MBNL2: variants seen among roughly 807,000 people sequenced by gnomAD.
MBNL2 encodes the protein muscleblind-like protein 2.
Under a neutral mutation model 41.9 loss-of-function variants are expected in MBNL2, and 17 were observed. The ratio of observed to expected loss-of-function variants is 0.41; its 90% confidence interval spans 0.28 to 0.61. The LOEUF is 0.61. Among genes scored for constraint, MBNL2 ranks in the 20% least tolerant of loss-of-function variants. MBNL2 has a pLI of 0.35. For synonymous variants in MBNL2, 195 were observed against 182.9 expected (o/e 1.07, Z -0.53); for missense variants, 336 against 505.6 (o/e 0.66, Z 3.22).
chr13:97,314,760 G>T (rs150080242), intron 2 of MBNL2, among the ~76,000 whole-genome samples: 13 of 152,286 alleles, frequency 8.5e-5, no homozygotes, highest in African/African-American at 3.1e-4. Flanking sequence ...TAGGAGGGAG[G>T]AGGTTGGATA....
chr13:97,146,302 G>T, the MBNL2 span, among the ~76,000 whole-genome samples: 1 of 151,972 alleles, frequency 6.6e-6, no homozygotes, highest in African/African-American at 2.4e-5. Context: ...CGCCCAGCAG[G>T]TTCTACTTTC....
At chr13:97,310,782 C>CTTTTTTTTTTTTTTTT (rs11345201) in intron 2 of MBNL2, among the ~76,000 whole-genome samples, 1 of 136,036 alleles carries the variant, frequency 7.4e-6, no homozygotes, top group African/African-American at 2.8e-5. Flanking sequence ...AATTCAGCAT[C>CTTTTTTTTTTTTTTTT]TTTTTTTTTT....
the MBNL2 span, among the ~76,000 whole-genome samples, chr13:97,148,073 G>T: frequency 6.6e-6 from 1 of 152,166 alleles, no homozygotes; most frequent in Non-Finnish European, 1.5e-5. Flanking sequence ...AAGGATACAT[G>T]GTTGAGAAAG....
intron 2 of MBNL2, among the ~76,000 whole-genome samples, chr13:97,304,166 G>A (rs989588149): frequency 2.0e-5 from 3 of 152,162 alleles, no homozygotes; most frequent in African/African-American, 7.2e-5. Flanking sequence ...TTTCAATAGA[G>A]GGGACAGGAA....
At chr13:97,204,266 G>GTGAGGCGAGGGCTGGGATTTGTTA in the MBNL2 span, among the ~76,000 whole-genome samples, 9 of 152,350 alleles carry the variant, frequency 5.9e-5, no homozygotes, top group Middle Eastern at 3.4e-3. Flanking sequence ...AGACTCGCAG[G>GTGAGGCGAGGGCTGGGATTTGTTA]TGAGGCGAGG....
intron 3 of MBNL2, among the ~76,000 whole-genome samples, chr13:97,339,881 G>A (rs1308344579): frequency 6.9e-6 from 1 of 145,154 alleles, no homozygotes; most frequent in Non-Finnish European, 1.5e-5. Context: ...GGGCGGGGGG[G>A]GCGTTGTTTT....
intron 1 of MBNL2, among the ~76,000 whole-genome samples, chr13:97,271,679 G>A (rs1312734033): frequency 6.6e-6 from 1 of 152,088 alleles, no homozygotes; most frequent in Non-Finnish European, 1.5e-5. Flanking sequence ...AGAACATGCC[G>A]TATTTGGTTT....
At chr13:97,189,339 C>T in the MBNL2 span, among the ~76,000 whole-genome samples, 1 of 152,166 alleles carries the variant, frequency 6.6e-6, no homozygotes, top group Non-Finnish European at 1.5e-5. Flanking sequence ...TGGTGGAAAT[C>T]AGTAAATGCC....
At chr13:97,184,932 G>A in the MBNL2 span, among the ~76,000 whole-genome samples, 1 of 152,084 alleles carries the variant, frequency 6.6e-6, no homozygotes, top group Non-Finnish European at 1.5e-5. Flanking sequence ...TAGAATGCTT[G>A]AGAATTAGAG....
intron 8 of MBNL2, among the ~76,000 whole-genome samples, chr13:97,368,954 T>C (rs2064115416): frequency 6.6e-6 from 1 of 152,182 alleles, no homozygotes; most frequent in African/African-American, 2.4e-5. Flanking sequence ...ATTCAGTGTT[T>C]TGCAGTTTAT....
At chr13:97,196,607 C>G in the MBNL2 span, among the ~76,000 whole-genome samples, 2 of 152,088 alleles carry the variant, frequency 1.3e-5, no homozygotes, top group Non-Finnish European at 2.9e-5. Context: ...ACACCTATAG[C>G]TATGGAGGTC....
At chr13:97,288,679 C>T (rs2055165015) in intron 2 of MBNL2, among the ~76,000 whole-genome samples, 1 of 152,202 alleles carries the variant, frequency 6.6e-6, no homozygotes, top group Non-Finnish European at 1.5e-5. Context: ...TACTAAATAG[C>T]ACATTCTTTC....
chr13:97,171,498 C>T, the MBNL2 span, among the ~76,000 whole-genome samples: 1 of 152,178 alleles, frequency 6.6e-6, no homozygotes, highest in African/African-American at 2.4e-5. Context: ...TAAATATATT[C>T]ATGTGTACAT....
intron 8 of MBNL2, among the ~76,000 whole-genome samples, chr13:97,385,564 T>C (rs570411591): frequency 6.6e-6 from 1 of 152,304 alleles, no homozygotes; most frequent in South Asian, 2.1e-4. Context: ...CAGGAACAGT[T>C]CTTACCAAAT....
the MBNL2 span, among the ~76,000 whole-genome samples, chr13:97,212,633 A>G: frequency 1.3e-5 from 2 of 152,202 alleles, no homozygotes; most frequent in African/African-American, 4.8e-5. Context: ...CGACCCTGGA[A>G]AGGTTACTTA....
chr13:97,270,156 G>A (rs2050664470), intron 1 of MBNL2, among the ~76,000 whole-genome samples: 1 of 152,130 alleles, frequency 6.6e-6, no homozygotes, highest in Non-Finnish European at 1.5e-5. Flanking sequence ...AAGTTCTGTT[G>A]ACTAATAGAA....
chr13:97,271,461 A>G (rs1566380306), intron 1 of MBNL2, among the ~76,000 whole-genome samples: 1 of 149,074 alleles, frequency 6.7e-6, no homozygotes, highest in African/African-American at 2.6e-5. Context: ...AAAACAAACA[A>G]AAAACAAAAC....
At position 97,225,865 on chromosome 13, in the gene MBNL2, A is replaced by G. The variant is rs150728586; in HGVS notation, c.-605+3334A>G. ...CATCCTTTCCGGAAGGGTCGACTCA[A>G]CTGGATGAGCATGGATGTCCACTGC... On this transcript the variant is annotated intron_variant, in intron 1 of 8. Coordinates refer to ENST00000679496, the MANE Select transcript of MBNL2 (RefSeq NM_001382683.1). Among the ~76,000 whole-genome samples the G allele has an allele frequency of 7.2e-5, 11 of 152,340 alleles. No individual in the cohort carries two copies. The East Asian group carries it at 1.9e-3, about 27-fold the overall frequency.
the MBNL2 span, among the ~76,000 whole-genome samples, chr13:97,160,886 G>A: frequency 4.6e-5 from 7 of 152,262 alleles, no homozygotes; most frequent in South Asian, 1.2e-3. Context: ...GGCAAAAGTG[G>A]AAAGAGTTAA....
Sources: gnomAD v4.1 joint callset for allele counts (sites outside exome capture counted in the v4.1 genomes callset) on GRCh38, gnomAD v4.1.1 for gene constraint, MANE v1.5 for transcripts, NCBI Gene and HGNC (gene_info 2026-07-23, HGNC 2026-07-21) for gene names.